The following IL1RAPL2 variants were observed in gnomAD, a reference collection of about 807,000 sequenced individuals.
IL1RAPL2 encodes the protein interleukin 1 receptor accessory protein like 2.
Under a neutral mutation model 44.1 loss-of-function variants are expected in IL1RAPL2, and 3 were observed. The observed-to-expected ratio is 0.07, with a 90% CI of 0.03 to 0.18. The LOEUF is 0.18. Ranked by LOEUF, IL1RAPL2 falls within the 10% of genes least tolerant of loss-of-function variation. The pLI is 1.00. For missense variants in IL1RAPL2, 391 were observed against 496.4 expected (o/e 0.79, Z 2.02); for synonymous variants, 181 against 178.8 (o/e 1.01, Z -0.10).
intron 1 of IL1RAPL2, chrX:104,647,646 G>C (rs977902850): frequency 1.8e-6 from 1 of 543,480 alleles, no homozygotes; most frequent in Admixed American, 2.3e-5. Flanking sequence ...ATGGATGGCA[G>C]CACACGCTCA....
At chrX:104,921,509 T>C (rs1194394995) in intron 2 of IL1RAPL2, among the ~76,000 whole-genome samples, 2 of 111,985 alleles carry the variant, frequency 1.8e-5, no homozygotes, top group African/African-American at 6.5e-5. Context: ...CTAGGTGCAG[T>C]TCACCCCCCT....
chrX:105,311,305 A>C (rs1358195302), intron 5 of IL1RAPL2, among the ~76,000 whole-genome samples: 2 of 109,907 alleles, frequency 1.8e-5, no homozygotes, highest in South Asian at 3.8e-4. Context: ...TGATATGCTT[A>C]AGTTTATGCC....
At chrX:104,877,747 G>A (rs900342602) in intron 2 of IL1RAPL2, among the ~76,000 whole-genome samples, 1 of 111,174 alleles carries the variant, frequency 9.0e-6, no homozygotes, top group African/African-American at 3.3e-5. Context: ...TACATACAGG[G>A]CATTTTTTTT....
intron 1 of IL1RAPL2, among the ~76,000 whole-genome samples, chrX:104,641,245 T>A (rs1027028541): frequency 9.1e-6 from 1 of 110,163 alleles, no homozygotes; most frequent in Non-Finnish European, 1.9e-5. Flanking sequence ...TTGGGAGGAG[T>A]GCTCAGGTGC....
chrX:104,864,374 C>T, intron 2 of IL1RAPL2, among the ~76,000 whole-genome samples: 1 of 112,184 alleles, frequency 8.9e-6, no homozygotes, highest in Non-Finnish European at 1.9e-5. Context: ...TCGAACATAT[C>T]CTAAGATAGC....
intron 5 of IL1RAPL2, among the ~76,000 whole-genome samples, chrX:105,365,685 A>G (rs939262635): frequency 1.8e-5 from 2 of 111,445 alleles, no homozygotes; most frequent in Admixed American, 1.9e-4. Flanking sequence ...TTGTTGATGT[A>G]TAGTTTGTCA....
At chrX:104,807,981 A>C (rs1161577937) in intron 2 of IL1RAPL2, among the ~76,000 whole-genome samples, 1 of 112,109 alleles carries the variant, frequency 8.9e-6, no homozygotes, top group Non-Finnish European at 1.9e-5. Context: ...TCCAGAACTC[A>C]TGGTATTAAC....
At chrX:105,568,518 A>C (rs1165910596) in intron 6 of IL1RAPL2, among the ~76,000 whole-genome samples, 1 of 111,890 alleles carries the variant, frequency 8.9e-6, no homozygotes, top group Non-Finnish European at 1.9e-5. Context: ...TGGGAAATGA[A>C]GGGTGTCATA....
Position 105,718,263 on chromosome X carries a change from T to TA in IL1RAPL2, c.902+771dup, listed in dbSNP as rs1173401253. ...AAGAATCATGCAGTGAAAATTAATC[T>TA]AAAATTTCAGTATAACTAATGTTAA... On this transcript the variant is annotated intron_variant, in intron 7 of 10. Coordinates refer to ENST00000372582, the MANE Select transcript of IL1RAPL2 (RefSeq NM_017416.2). Among the ~76,000 whole-genome samples, 8 of 112,241 alleles carry TA rather than the reference T, an allele frequency of 7.1e-5. No individual in the cohort carries two copies. In the East Asian group the frequency reaches 2.3e-3, roughly 32 times the overall value.
intron 6 of IL1RAPL2, among the ~76,000 whole-genome samples, chrX:105,517,512 C>T (rs1313663965): frequency 9.0e-6 from 1 of 111,331 alleles, no homozygotes; most frequent in South Asian, 3.8e-4. Flanking sequence ...TGCACTTGCT[C>T]TATCATTTCA....
rs191398943 is a variant in IL1RAPL2, at chrX:105,662,906, T to G, written c.773-54461T>G. 4.8e-3 allele frequency among the ~76,000 whole-genome samples: 543 copies of G among 112,364 alleles called. 8 individuals carry two copies. Among genetic ancestry groups the G allele is most frequent in the African/African-American group, 0.017 (517 of 30,961 alleles). ...ACACAAATATCTGACAAACAGAAAC[T>G]GTGAAATAATAAATGTTGATTATTT... On this transcript the variant is annotated intron_variant, in intron 6 of 10. Coordinates refer to ENST00000372582, the MANE Select transcript of IL1RAPL2 (RefSeq NM_017416.2).
At chrX:104,668,564 A>C (rs1056695552) in intron 2 of IL1RAPL2, among the ~76,000 whole-genome samples, 1 of 102,714 alleles carries the variant, frequency 9.7e-6, no homozygotes, top group African/African-American at 3.6e-5. Context: ...AGGTTCAATC[A>C]AAGCTTTGTT....
intron 6 of IL1RAPL2, among the ~76,000 whole-genome samples, chrX:105,517,607 T>A (rs1420993005): frequency 9.0e-6 from 1 of 111,015 alleles, no homozygotes; most frequent in African/African-American, 3.3e-5. Context: ...ATCCCAGACT[T>A]CAAGGAACCA....
chrX:105,058,093 C>A (rs1169888195), intron 2 of IL1RAPL2, among the ~76,000 whole-genome samples: 3 of 108,366 alleles, frequency 2.8e-5, no homozygotes, highest in South Asian at 4.0e-4. Flanking sequence ...GGACTACAGG[C>A]GCCTGCCACC....
chrX:105,136,911 G>A (rs762248364), intron 2 of IL1RAPL2, among the ~76,000 whole-genome samples: 50 of 112,241 alleles, frequency 4.5e-4, no homozygotes, highest in African/African-American at 1.5e-3. Flanking sequence ...TTTATGCCTT[G>A]GCATGAAGAG....
intron 2 of IL1RAPL2, among the ~76,000 whole-genome samples, chrX:104,661,768 C>T (rs1930405548): frequency 2.7e-5 from 3 of 111,650 alleles, no homozygotes; most frequent in Non-Finnish European, 5.6e-5. Flanking sequence ...TGCTCATTGC[C>T]AATCAAAGAG....
intron 1 of IL1RAPL2, among the ~76,000 whole-genome samples, chrX:104,636,733 C>A (rs1437237538): frequency 8.9e-6 from 1 of 112,196 alleles, no homozygotes; most frequent in Admixed American, 9.4e-5. Flanking sequence ...TTTCCAGGTA[C>A]CGTCTGTCAC....
intron 5 of IL1RAPL2, among the ~76,000 whole-genome samples, chrX:105,403,263 A>G (rs2035618386): frequency 8.9e-6 from 1 of 111,980 alleles, no homozygotes; most frequent in Non-Finnish European, 1.9e-5. Context: ...CAGGTGGAAG[A>G]TACATTTTTG....
intron 2 of IL1RAPL2, among the ~76,000 whole-genome samples, chrX:104,998,794 AGTATTTTATTATTT>A (rs2030796641): frequency 9.1e-6 from 1 of 109,878 alleles, no homozygotes; most frequent in African/African-American, 3.3e-5. Context: ...AAAATACTAG[AGTATTTTATTATTT>A]TATTTATTTT....
Sources: allele counts gnomAD v4.1 joint callset (sites outside exome capture counted in the v4.1 genomes callset), GRCh38; gene constraint gnomAD v4.1.1; transcripts MANE v1.5; gene names NCBI Gene and HGNC (gene_info 2026-07-23, HGNC 2026-07-21).